The following MKRN2 variants were observed in gnomAD, a reference collection of about 807,000 sequenced individuals.
MKRN2 encodes makorin ring finger protein 2, also known as E3 ubiquitin-protein ligase makorin-2.
Under a neutral mutation model 45.4 loss-of-function variants are expected in MKRN2, and 32 were observed. The ratio of observed to expected loss-of-function variants is 0.70; its 90% CI spans 0.53 to 0.95. The LOEUF is 0.95. Among genes scored for constraint, MKRN2 ranks in the 40% least tolerant of loss-of-function variants. The pLI is 0.00. For missense variants in MKRN2, 526 were observed against 536.7 expected (o/e 0.98, Z 0.20); for synonymous variants, 206 against 192.4 (o/e 1.07, Z -0.59).
chr3:12,567,217 T>TC (rs2058073470), intron 1 of MKRN2, among the ~76,000 whole-genome samples: 1 of 151,986 alleles, frequency 6.6e-6, no homozygotes, highest in African/African-American at 2.4e-5. Flanking sequence ...TTGTGTTTTT[T>TC]TTTTTTAAGC....
chr3:12,581,000 GT>G (rs763581268), intron 6 of MKRN2, among the ~76,000 whole-genome samples: 4 of 151,318 alleles, frequency 2.6e-5, no homozygotes, highest in Non-Finnish European at 5.9e-5. Context: ...GGATTCTTGG[GT>G]ATCTTTTTTT....
At chr3:12,581,325 T>C (rs1274600062) in intron 6 of MKRN2, among the ~76,000 whole-genome samples, 1 of 152,216 alleles carries the variant, frequency 6.6e-6, no homozygotes, top group South Asian at 2.1e-4. Flanking sequence ...AGGCAGTTGC[T>C]AAAACCCTCT....
intron 1 of MKRN2, among the ~76,000 whole-genome samples, chr3:12,562,716 G>A (rs2058046356): frequency 6.6e-6 from 1 of 152,002 alleles, no homozygotes; most frequent in Non-Finnish European, 1.5e-5. Context: ...ATCAGCAGCA[G>A]CATTAGATTC....
chr3:12,568,835 T>C, intron 1 of MKRN2, 40 bp from the exon 2 acceptor site: 1 of 1,597,642 alleles, frequency 6.3e-7, no homozygotes, highest in South Asian at 1.1e-5. Flanking sequence ...TAAAGCAAAA[T>C]GTGCTTCTAA....
intron 5 of MKRN2, among the ~76,000 whole-genome samples, chr3:12,576,143 T>C (rs2058134410): frequency 6.6e-6 from 1 of 152,048 alleles, no homozygotes; most frequent in Non-Finnish European, 1.5e-5. Context: ...TCACCAGCAA[T>C]GTATGAGGGT....
At chr3:12,572,017 C>A in intron 3 of MKRN2, 52 bp from the exon 4 acceptor site, 1 of 1,507,356 alleles carries the variant, frequency 6.6e-7, no homozygotes, top group Non-Finnish European at 8.9e-7. Flanking sequence ...TAACGGCATA[C>A]CAGAAAAATG....
chr3:12,577,335 C>G (rs777954507), intron 6 of MKRN2: 3 of 152,002 alleles, frequency 2.0e-5, no homozygotes, highest in Non-Finnish European at 4.4e-5. Flanking sequence ...CCAAGATGAG[C>G]GAAATTTTAG....
intron 4 of MKRN2, among the ~76,000 whole-genome samples, 197 bp downstream of exon 4, chr3:12,572,570 C>CT (rs1458911469): frequency 6.6e-6 from 1 of 151,474 alleles, no homozygotes; most frequent in Non-Finnish European, 1.5e-5. Flanking sequence ...TTTTCAGGTT[C>CT]TTTTTCCTGC....
chr3:12,582,558 A>T lies in MKRN2; in HGVS notation c.*305A>T. 3.6e-6 allele frequency: 1 copy of T among 279,204 alleles called. No individual in the cohort carries two copies. The highest frequency in any genetic ancestry group is 4.6e-5 in the Admixed American group (1 of 21,744). The allele number at this position is 279,204 out of a possible 1,614,324, so 17.3% of individuals were successfully genotyped here. ...TTTGGATTGATTGCTTTAAAAAACA[A>T]ACCTGGCTCTTACCTTTGATCTTTT... On this transcript the variant is annotated 3_prime_UTR_variant, in exon 8 of 8. Coordinates refer to ENST00000170447, the MANE Select transcript of MKRN2 (RefSeq NM_014160.5).
intron 3 of MKRN2, 80 bp from the exon 4 acceptor site, chr3:12,571,989 A>G: frequency 7.2e-7 from 1 of 1,387,096 alleles, no homozygotes; most frequent in Middle Eastern, 2.6e-4. Context: ...AGAGTAGCTT[A>G]ATATGTTAGG....
At chr3:12,571,702 T>TC (rs2058100681) in intron 3 of MKRN2, among the ~76,000 whole-genome samples, 1 of 152,216 alleles carries the variant, frequency 6.6e-6, no homozygotes, top group Non-Finnish European at 1.5e-5. Context: ...AAACACTGTG[T>TC]TCTAGTGCTC....
At chr3:12,574,719 G>A in intron 4 of MKRN2, 73 bp from the exon 5 acceptor site, 1 of 1,352,894 alleles carries the variant, frequency 7.4e-7, no homozygotes, top group Non-Finnish European at 1.0e-6. Flanking sequence ...CAGTGTGGCT[G>A]CAGCTACTCC....
chr3:12,581,334 C>T (rs2058177043), intron 6 of MKRN2, among the ~76,000 whole-genome samples: 1 of 152,180 alleles, frequency 6.6e-6, no homozygotes, highest in Admixed American at 6.5e-5. Flanking sequence ...CTAAAACCCT[C>T]TGCTTTCCCT....
chr3:12,570,129 A>G lies in MKRN2; in HGVS notation c.214A>G (p.Ser72Gly), dbSNP rs749732034. The change falls in exon 3 of 8, where the codon AGT (serine) becomes GGT (glycine). Residue 72 changes from serine to glycine, a missense_variant. Physicochemically the swap from Ser to Gly is moderately conservative, Grantham distance 56. Transcript: ENST00000170447. ...AGGTGCTGTGGGCACCATGGCCCACAGTGTGCCCTCCCCAGCTTTCCACAG... is the reference window on the plus strand; with the variant it reads ...AGGTGCTGTGGGCACCATGGCCCACGGTGTGCCCTCCCCAGCTTTCCACAG... ...AGGAVGTMAH[S>G]VPSPAFHSPH... 3.1e-6 allele frequency: 5 copies of G among 1,613,968 alleles called. No individual in the cohort carries two copies. In the East Asian group the frequency reaches 8.9e-5, roughly 29 times the overall value.
intron 6 of MKRN2, among the ~76,000 whole-genome samples, chr3:12,578,595 A>G (rs2058158073): frequency 1.3e-5 from 2 of 151,992 alleles, no homozygotes; most frequent in South Asian, 2.1e-4. Context: ...GGGATTACAG[A>G]TGTGAGCCAC....
chr3:12,557,574 TAGG>T (rs760571210), intron 1 of MKRN2, among the ~76,000 whole-genome samples: 1 of 152,224 alleles, frequency 6.6e-6, no homozygotes, highest in Non-Finnish European at 1.5e-5. Context: ...GGATACCACA[TAGG>T]AGTAATTTGT....
intron 6 of MKRN2, 192 bp downstream of exon 6, chr3:12,576,933 G>GTTTTTGTTTTGTTT (rs56380121): frequency 1.8e-5 from 1 of 55,244 alleles, no homozygotes; most frequent in African/African-American, 1.3e-4. Flanking sequence ...TAGTTTTGGT[G>GTTTTTGTTTTGTTT]TTTTTTTTTT....
intron 6 of MKRN2, chr3:12,576,959 G>GTTTTTTT (rs2058144344): frequency 8.4e-6 from 1 of 119,282 alleles, no homozygotes; most frequent in African/African-American, 2.0e-4. Context: ...TTTTTTTTTC[G>GTTTTTTT]GTGAGATAGG....
chr3:12,579,730 G>C (rs1394735883), intron 6 of MKRN2, among the ~76,000 whole-genome samples: 1 of 152,146 alleles, frequency 6.6e-6, no homozygotes, highest in African/African-American at 2.4e-5. Context: ...ATTGAAACAG[G>C]TGTGTAGAAG....
Sources: gnomAD v4.1 joint callset for allele counts (sites outside exome capture counted in the v4.1 genomes callset) on GRCh38, gnomAD v4.1.1 for gene constraint, MANE v1.5 for transcripts, NCBI Gene and HGNC (gene_info 2026-07-23, HGNC 2026-07-21) for gene names.